The following SCARA5 variants were observed in gnomAD, a reference collection of about 807,000 sequenced individuals.
SCARA5 encodes scavenger receptor class A member 5.
Under a neutral mutation model 46.3 loss-of-function variants are expected in SCARA5, and 45 were observed. The observed-to-expected ratio is 0.97, with a 90% CI of 0.76 to 1.24. The LOEUF is 1.24. Ranked by LOEUF, SCARA5 falls within the 50% of genes most tolerant of loss-of-function variation. The pLI is 0.00. For missense variants in SCARA5, 680 were observed against 689.0 expected, an observed-to-expected ratio of 0.99 and a Z score of 0.15; for synonymous variants, 333 against 306.5, an observed-to-expected ratio of 1.09 and a Z score of -0.90.
chr8:27,966,770 C>A (rs939705), intron 2 of SCARA5, among the ~76,000 whole-genome samples: 81,777 of 152,062 alleles, frequency 0.54, 22,217 homozygotes, highest in South Asian at 0.66. Context: ...CAAGCCAGAT[C>A]ACATGTCCAC....
intron 2 of SCARA5, among the ~76,000 whole-genome samples, chr8:27,985,568 T>A (rs1226730587): frequency 1.3e-5 from 2 of 152,150 alleles, no homozygotes; most frequent in Non-Finnish European, 2.9e-5. Context: ...ACACACAGAA[T>A]TCTAGAACCA....
At chr8:27,952,072 T>A (rs1202124887) in intron 3 of SCARA5, among the ~76,000 whole-genome samples, 4 of 95,176 alleles carry the variant, frequency 4.2e-5, no homozygotes, top group African/African-American at 1.5e-4. Flanking sequence ...ATGATTAGTG[T>A]CCTTAGAAGA....
intron 3 of SCARA5, among the ~76,000 whole-genome samples, chr8:27,954,511 A>G: frequency 6.6e-6 from 1 of 152,206 alleles, no homozygotes; most frequent in Non-Finnish European, 1.5e-5. Flanking sequence ...GCAATTTCAT[A>G]AACACTCTCT....
At chr8:27,974,516 C>A (rs1808493806) in intron 2 of SCARA5, among the ~76,000 whole-genome samples, 1 of 151,936 alleles carries the variant, frequency 6.6e-6, no homozygotes, top group African/African-American at 2.4e-5. Flanking sequence ...CAACAAACAG[C>A]TACTTTCTTC....
chr8:27,956,874 G>A (rs1808214988), intron 3 of SCARA5, among the ~76,000 whole-genome samples: 1 of 152,182 alleles, frequency 6.6e-6, no homozygotes, highest in African/African-American at 2.4e-5. Context: ...GCCAAGACAC[G>A]ATGCCTGCAG....
intron 2 of SCARA5, among the ~76,000 whole-genome samples, chr8:27,976,589 T>C (rs1298804176): frequency 6.6e-6 from 1 of 151,754 alleles, no homozygotes; most frequent in Non-Finnish European, 1.5e-5. Flanking sequence ...GTTTCTTCTC[T>C]GGGCAGAAAC....
chr8:27,915,271 A>C (rs1807442720), intron 4 of SCARA5, among the ~76,000 whole-genome samples: 1 of 152,134 alleles, frequency 6.6e-6, no homozygotes, highest in Non-Finnish European at 1.5e-5. Context: ...ACAGCCGAGG[A>C]GACTCAGGCC....
intron 5 of SCARA5, among the ~76,000 whole-genome samples, chr8:27,907,828 C>A (rs1397211653): frequency 6.6e-6 from 1 of 152,118 alleles, no homozygotes; most frequent in Admixed American, 6.5e-5. Context: ...CCTCGGCTTC[C>A]CAAAATGTTG....
intron 2 of SCARA5, among the ~76,000 whole-genome samples, chr8:27,980,345 T>C (rs981291652): frequency 5.9e-5 from 9 of 152,132 alleles, no homozygotes; most frequent in African/African-American, 1.9e-4. Context: ...ACTCCAGGGA[T>C]TACCAGAAGC....
At chr8:27,966,581 C>G in intron 2 of SCARA5, 39 bp from the exon 3 acceptor site, 1 of 1,566,146 alleles carries the variant, frequency 6.4e-7, no homozygotes, top group Non-Finnish European at 8.6e-7. Context: ...AAAGAAGACA[C>G]TTAAAAACCC....
chr8:27,889,198 C>T (rs1157919622), intron 7 of SCARA5, among the ~76,000 whole-genome samples: 3 of 152,184 alleles, frequency 2.0e-5, no homozygotes, highest in Non-Finnish European at 4.4e-5. Context: ...TGGAGAAGAT[C>T]AAGGCATGGG....
At chr8:27,874,180 T>C (rs1011592256) in intron 8 of SCARA5, among the ~76,000 whole-genome samples, 8 of 152,254 alleles carry the variant, frequency 5.3e-5, no homozygotes, top group Non-Finnish European at 8.8e-5. Context: ...TATGTGTTTA[T>C]TTAGAGTAAC....
chr8:27,876,381 C>T (rs886504568), intron 8 of SCARA5, among the ~76,000 whole-genome samples: 8 of 152,058 alleles, frequency 5.3e-5, no homozygotes, highest in African/African-American at 1.2e-4. Context: ...GCAAGAACGA[C>T]GAGGTGGGGA....
chr8:27,937,252 T>C (rs908228335), intron 3 of SCARA5, among the ~76,000 whole-genome samples: 1 of 152,064 alleles, frequency 6.6e-6, no homozygotes, highest in Non-Finnish European at 1.5e-5. Context: ...ACCCCAGCTA[T>C]ACCTCCAACC....
At chr8:27,872,657 C>G (rs1032833824) in intron 8 of SCARA5, among the ~76,000 whole-genome samples, 4 of 152,182 alleles carry the variant, frequency 2.6e-5, no homozygotes, top group Non-Finnish European at 5.9e-5. Flanking sequence ...ACACAATAAG[C>G]CCTTTGAGGC....
rs564810370 is a variant in SCARA5, at chr8:27,967,925, A to T, written c.113-1383T>A. 2.0e-4 allele frequency among the ~76,000 whole-genome samples: 31 copies of T among 152,082 alleles called. 1 individual carries two copies. In the South Asian group the frequency reaches 6.2e-3, roughly 31 times the overall value. On this transcript the variant is annotated intron_variant, in intron 2 of 8. Coordinates refer to ENST00000354914, the MANE Select transcript of SCARA5 (RefSeq NM_173833.6). ...AAGACTGTCAAAGGAAAGGAAAGGA[A>T]AAAGGAAAGGAGAGGAGAGGAGTGT...
chr8:27,946,487 C>T (rs1808039008), intron 3 of SCARA5, among the ~76,000 whole-genome samples: 1 of 152,204 alleles, frequency 6.6e-6, no homozygotes, highest in Non-Finnish European at 1.5e-5. Flanking sequence ...AGAGAGGACT[C>T]AAAGGAAACC....
In SCARA5 at chr8:27,964,540, G is replaced by A. The variant is rs1302210882; in HGVS notation, c.241+1874C>T. ...CATTCAATCTCCAAGCCAGGAGAAA[G>A]CCTTTTTTTCATCATACTGGACGGC... On this transcript the variant is annotated intron_variant, in intron 3 of 8. Transcript: ENST00000354914. 5.3e-5 allele frequency among the ~76,000 whole-genome samples: 8 copies of A among 152,174 alleles called. No individual in the cohort carries two copies. The East Asian group carries it at 1.3e-3, about 26-fold the overall frequency.
At chr8:27,950,649 C>G (rs555978951) in intron 3 of SCARA5, among the ~76,000 whole-genome samples, 1 of 152,202 alleles carries the variant, frequency 6.6e-6, no homozygotes, top group Non-Finnish European at 1.5e-5. Context: ...CCTCAGGATG[C>G]CTCACCTTGT....
Sources: allele counts gnomAD v4.1 joint callset (sites outside exome capture counted in the v4.1 genomes callset), GRCh38; gene constraint gnomAD v4.1.1; transcripts MANE v1.5; gene names NCBI Gene and HGNC (gene_info 2026-07-23, HGNC 2026-07-21).